GRID2: variants seen among roughly 807,000 people sequenced by gnomAD.
The protein encoded by GRID2 is glutamate receptor ionotropic, delta-2.
A neutral mutation model predicts 114.8 loss-of-function variants in GRID2; 33 were observed. That is an observed-to-expected ratio of 0.29 (90% CI 0.22 to 0.38). The LOEUF is 0.38. Ranked by LOEUF, GRID2 falls within the 10% of genes least tolerant of loss-of-function variation. GRID2 has a pLI of 1.00. For synonymous variants in GRID2, 505 were observed against 449.9 expected, an observed-to-expected ratio of 1.12 and a Z score of -1.55; for missense variants, 1,184 against 1,257.7, an observed-to-expected ratio of 0.94 and a Z score of 0.89.
At chr4:92,312,500 G>A (rs778877351) in intron 1 of GRID2, among the ~76,000 whole-genome samples, 4 of 152,068 alleles carry the variant, frequency 2.6e-5, no homozygotes, top group Non-Finnish European at 5.9e-5. Context: ...GAGATCCAGA[G>A]AAAGTAAAGA....
At chr4:93,733,057 A>G (rs1730628964) in intron 14 of GRID2, among the ~76,000 whole-genome samples, 1 of 152,180 alleles carries the variant, frequency 6.6e-6, no homozygotes, top group Non-Finnish European at 1.5e-5. Flanking sequence ...AACTGAAGTC[A>G]ATGCAGCTAT....
intron 2 of GRID2, among the ~76,000 whole-genome samples, chr4:92,798,386 A>G (rs921413980): frequency 6.6e-6 from 1 of 152,036 alleles, no homozygotes; most frequent in Non-Finnish European, 1.5e-5. Flanking sequence ...ACATAGCTAA[A>G]TATGGCTCTA....
In GRID2 at chr4:93,515,407, A is replaced by G. The variant is rs749597323; in HGVS notation, c.2189A>G (p.Gln730Arg). 1.2e-6 allele frequency: 2 copies of G among 1,600,840 alleles called. No individual in the cohort carries two copies. Among genetic ancestry groups the G allele is most frequent in the South Asian group, 1.1e-5 (1 of 90,750 alleles). ...NNVLESQAGI[Q>R]KVKYGNYAFV... Reference sequence around the variant, plus strand: ...GTTCTGGAGTCCCAGGCAGGCATTCAAAAGGTACTGTCCATGGTTCTCCTT... The same window carrying G: ...GTTCTGGAGTCCCAGGCAGGCATTCGAAAGGTACTGTCCATGGTTCTCCTT... Residue 730 changes from glutamine to arginine, a missense_variant, in exon 13 of 16, where the codon CAA (glutamine) becomes CGA (arginine). By Grantham distance (43) the Gln-to-Arg change is conservative. This residue lies in a region of GRID2 where 717 missense variants were observed against 796.9 expected (regional missense o/e 0.90). Transcript: ENST00000282020.
At chr4:92,948,811 G>A (rs1217045611) in intron 2 of GRID2, among the ~76,000 whole-genome samples, 1 of 151,906 alleles carries the variant, frequency 6.6e-6, no homozygotes, top group East Asian at 1.9e-4. Context: ...GATATCACAT[G>A]AGAATGAAAT....
chr4:93,523,711 A>G (rs1178548043), intron 13 of GRID2, among the ~76,000 whole-genome samples: 2 of 152,112 alleles, frequency 1.3e-5, no homozygotes, highest in East Asian at 3.9e-4. Flanking sequence ...CATCCCTGAC[A>G]GTGGCAGTGG....
At chr4:93,798,969 G>C (rs918091558) in intron 1 of GRID2, among the ~76,000 whole-genome samples, 1 of 152,302 alleles carries the variant, frequency 6.6e-6, no homozygotes, top group South Asian at 2.1e-4. Context: ...AAAGCAGGGG[G>C]TAGGCAATAT....
At chr4:93,548,704 G>A (rs1256673541) in intron 13 of GRID2, among the ~76,000 whole-genome samples, 3 of 152,032 alleles carry the variant, frequency 2.0e-5, no homozygotes, top group Non-Finnish European at 2.9e-5. Context: ...TTTTAAGAAA[G>A]GGCAGAACTA....
intron 9 of GRID2, among the ~76,000 whole-genome samples, chr4:93,415,250 T>C (rs1234264601): frequency 6.6e-6 from 1 of 152,102 alleles, no homozygotes; most frequent in African/African-American, 2.4e-5. Context: ...TATTTCTTGA[T>C]AGCTTTCTTT....
chr4:93,224,755 A>G lies in GRID2; in HGVS notation c.1105A>G (p.Met369Val), dbSNP rs1261517138. 6.2e-7 allele frequency: 1 copy of G among 1,612,428 alleles called. No individual in the cohort carries two copies. The highest frequency in any genetic ancestry group is 8.5e-7 in the Non-Finnish European group (1 of 1,178,834). The change falls in exon 7 of 16, where the codon ATG becomes GTG. Residue 369 changes from methionine to valine, a missense_variant. Transcript: ENST00000282020. ...NSKPWQGGRSMLETIKKGGVS... is the reference protein window; with the variant it reads ...NSKPWQGGRSVLETIKKGGVS... Reference sequence around the variant, plus strand: ...AAAGCCCTGGCAGGGTGGGCGCTCCATGTTGGAGACCATCAAGAAGGTAAC... The same window carrying G: ...AAAGCCCTGGCAGGGTGGGCGCTCCGTGTTGGAGACCATCAAGAAGGTAAC...
At chr4:92,851,118 T>C (rs927458986) in intron 2 of GRID2, among the ~76,000 whole-genome samples, 13 of 151,916 alleles carry the variant, frequency 8.6e-5, no homozygotes, top group African/African-American at 3.1e-4. Flanking sequence ...TATCCTTAAT[T>C]ATTTCAAATC....
At chr4:92,706,169 C>T (rs2149305522) in intron 2 of GRID2, among the ~76,000 whole-genome samples, 1 of 152,182 alleles carries the variant, frequency 6.6e-6, no homozygotes, top group East Asian at 1.9e-4. Flanking sequence ...ACTCATAGGC[C>T]TCTGAAATTC....
intron 2 of GRID2, among the ~76,000 whole-genome samples, chr4:92,658,259 T>C (rs2149267034): frequency 6.6e-6 from 1 of 151,958 alleles, no homozygotes; most frequent in East Asian, 1.9e-4. Flanking sequence ...CTTATTCCAG[T>C]TACACTGGTA....
chr4:92,334,799 T>G (rs1248650767), intron 1 of GRID2, among the ~76,000 whole-genome samples: 1 of 152,164 alleles, frequency 6.6e-6, no homozygotes, highest in African/African-American at 2.4e-5. Flanking sequence ...AAACCTACAC[T>G]TGCTCTCTCT....
At chr4:93,504,376 G>A (rs772166953) in intron 12 of GRID2, among the ~76,000 whole-genome samples, 23 of 151,784 alleles carry the variant, frequency 1.5e-4, no homozygotes, top group Non-Finnish European at 2.9e-4. Flanking sequence ...AGTCAGCATT[G>A]GTCTTGATTC....
At chr4:92,623,190 A>G (rs2149240099) in intron 2 of GRID2, among the ~76,000 whole-genome samples, 1 of 151,768 alleles carries the variant, frequency 6.6e-6, no homozygotes, top group African/African-American at 2.4e-5. Flanking sequence ...TAGTTTATGT[A>G]CATCAAGGCA....
intron 1 of GRID2, among the ~76,000 whole-genome samples, chr4:92,436,496 A>C (rs1439811884): frequency 2.0e-5 from 3 of 152,076 alleles, no homozygotes; most frequent in Non-Finnish European, 4.4e-5. Context: ...CTACTATTTA[A>C]ATTTTCTCAG....
intron 2 of GRID2, among the ~76,000 whole-genome samples, chr4:93,001,202 C>T (rs1372752782): frequency 6.6e-6 from 1 of 151,564 alleles, no homozygotes; most frequent in Admixed American, 6.6e-5. Flanking sequence ...TTAATATTTA[C>T]ATATCATGAA....
intron 4 of GRID2, among the ~76,000 whole-genome samples, chr4:93,176,000 C>G (rs923808559): frequency 6.6e-6 from 1 of 152,076 alleles, no homozygotes; most frequent in African/African-American, 2.4e-5. Context: ...TAAACATCTT[C>G]CTAGATACCT....
At chr4:92,718,593 G>A (rs908548674) in intron 2 of GRID2, among the ~76,000 whole-genome samples, 12 of 151,736 alleles carry the variant, frequency 7.9e-5, no homozygotes, top group South Asian at 4.1e-4. Context: ...GAGAGACCCC[G>A]TCTCTGCAAT....
Sources: gnomAD v4.1 joint callset for allele counts (sites outside exome capture counted in the v4.1 genomes callset) on GRCh38, gnomAD v4.1.1 for gene constraint, gnomAD v4.1.1 regional missense constraint, MANE v1.5 for transcripts, NCBI Gene and HGNC (gene_info 2026-07-23, HGNC 2026-07-21) for gene names.